The following PLXDC2 variants were observed in gnomAD, a reference collection of about 807,000 sequenced individuals.
PLXDC2 encodes the protein plexin domain-containing protein 2.
In PLXDC2, 40 loss-of-function variants were observed where a neutral mutation model predicts 68.9. The ratio of observed to expected loss-of-function variants is 0.58; its 90% CI spans 0.45 to 0.76. The LOEUF is 0.76. Among genes scored for constraint, PLXDC2 ranks in the 30% least tolerant of loss-of-function variants. The pLI, the probability that PLXDC2 is intolerant of heterozygous loss-of-function variation, is 0.00. For missense variants in PLXDC2, 644 were observed against 661.9 expected, an observed-to-expected ratio of 0.97 and a Z score of 0.30; for synonymous variants, 243 against 234.2, an observed-to-expected ratio of 1.04 and a Z score of -0.34.
At chr10:20,238,699 A>ACACACATATATGTG (rs1835473441) in intron 12 of PLXDC2, among the ~76,000 whole-genome samples, 1 of 135,222 alleles carries the variant, frequency 7.4e-6, no homozygotes, top group African/African-American at 2.8e-5. Context: ...ATATACACAC[A>ACACACATATATGTG]TATATATGTG....
chr10:20,062,767 A>G (rs1436830101), intron 3 of PLXDC2, among the ~76,000 whole-genome samples: 1 of 152,158 alleles, frequency 6.6e-6, no homozygotes, highest in African/African-American at 2.4e-5. Context: ...TTGGAAGAAA[A>G]TATCACATCC....
chr10:19,918,868 A>C (rs1008960107), intron 1 of PLXDC2, among the ~76,000 whole-genome samples: 1 of 152,224 alleles, frequency 6.6e-6, no homozygotes, highest in Non-Finnish European at 1.5e-5. Flanking sequence ...ATCGTTAAGA[A>C]GTTATTTCAT....
chr10:20,107,029 C>T (rs1159185768), intron 4 of PLXDC2, among the ~76,000 whole-genome samples: 1 of 147,486 alleles, frequency 6.8e-6, no homozygotes, highest in South Asian at 2.1e-4. Context: ...ATATATACAC[C>T]ATATACTATA....
chr10:19,932,791 C>T (rs1318590079), intron 1 of PLXDC2, among the ~76,000 whole-genome samples: 1 of 152,210 alleles, frequency 6.6e-6, no homozygotes, highest in Non-Finnish European at 1.5e-5. Flanking sequence ...GAACACGACA[C>T]TTTCCAAACC....
At chr10:20,275,420 C>T (rs565359743) in intron 13 of PLXDC2, among the ~76,000 whole-genome samples, 3 of 152,228 alleles carry the variant, frequency 2.0e-5, no homozygotes, top group Admixed American at 2.0e-4. Flanking sequence ...GTTTGAGAAA[C>T]ACAGATTTAG....
At chr10:19,881,108 A>C (rs12779437) in intron 1 of PLXDC2, among the ~76,000 whole-genome samples, 36,062 of 151,832 alleles carry the variant, frequency 0.24, 4,542 homozygotes, top group East Asian at 0.37. Flanking sequence ...TTTATGTGTA[A>C]GATGCGATTT....
chr10:19,966,730 G>A (rs1834269614), intron 1 of PLXDC2, among the ~76,000 whole-genome samples: 2 of 152,008 alleles, frequency 1.3e-5, no homozygotes, highest in Non-Finnish European at 2.9e-5. Context: ...ACCACACTAG[G>A]CCTGAGACAT....
intron 1 of PLXDC2, among the ~76,000 whole-genome samples, chr10:19,950,244 G>A (rs1044046853): frequency 8.5e-5 from 13 of 152,144 alleles, no homozygotes; most frequent in African/African-American, 2.9e-4. Flanking sequence ...CTGACAATAT[G>A]ATTCTATTCC....
chr10:20,178,846 T>A (rs1834563662), intron 9 of PLXDC2, among the ~76,000 whole-genome samples: 1 of 152,118 alleles, frequency 6.6e-6, no homozygotes, highest in African/African-American at 2.4e-5. Flanking sequence ...CTTTGTGAAA[T>A]TAATTCCAAA....
chr10:19,859,313 G>A (rs1837276103), intron 1 of PLXDC2, among the ~76,000 whole-genome samples: 1 of 152,100 alleles, frequency 6.6e-6, no homozygotes, highest in Non-Finnish European at 1.5e-5. Flanking sequence ...AATAGCAGAT[G>A]CCAAAGCAAC....
At chr10:20,197,997 ATATTTGT>A (rs1187407863) in intron 9 of PLXDC2, among the ~76,000 whole-genome samples, 1 of 152,182 alleles carries the variant, frequency 6.6e-6, no homozygotes, top group Non-Finnish European at 1.5e-5. Context: ...TTTTGTATTC[ATATTTGT>A]AATTATTAAA....
intron 1 of PLXDC2, among the ~76,000 whole-genome samples, chr10:19,850,606 C>T (rs964645534): frequency 3.3e-5 from 5 of 152,164 alleles, no homozygotes; most frequent in South Asian, 2.1e-4. Context: ...CTTACACACC[C>T]ATACTAAGAG....
Position 20,215,970 on chromosome 10 carries a change from G to A in PLXDC2, c.1123-1456G>A, listed in dbSNP as rs1398668285. ...AGCAATGCTGCCAAGTGGTATGCACGGCCCTGCTAAGGATGCAGGAGATGT... is the reference window on the plus strand; with the variant it reads ...AGCAATGCTGCCAAGTGGTATGCACAGCCCTGCTAAGGATGCAGGAGATGT... On this transcript the variant is annotated intron_variant, in intron 10 of 13. Coordinates refer to ENST00000377252, the MANE Select transcript of PLXDC2 (RefSeq NM_032812.9). 6.6e-5 allele frequency among the ~76,000 whole-genome samples: 10 copies of A among 152,020 alleles called. No homozygotes were observed. In the South Asian group the frequency reaches 8.3e-4, roughly 13 times the overall value.
intron 4 of PLXDC2, among the ~76,000 whole-genome samples, chr10:20,095,050 A>C (rs987120786): frequency 6.6e-6 from 1 of 152,246 alleles, no homozygotes; most frequent in Non-Finnish European, 1.5e-5. Flanking sequence ...TGTAATTTTA[A>C]AAATATCTGA....
intron 2 of PLXDC2, among the ~76,000 whole-genome samples, chr10:20,020,014 G>C (rs10827930): frequency 6.7e-6 from 1 of 149,510 alleles, no homozygotes; most frequent in South Asian, 2.1e-4. Context: ...TTCTTTTCTT[G>C]CTTTTTTTTT....
At chr10:19,835,672 G>A (rs952175416) in intron 1 of PLXDC2, among the ~76,000 whole-genome samples, 1 of 152,190 alleles carries the variant, frequency 6.6e-6, no homozygotes, top group African/African-American at 2.4e-5. Context: ...GGGAAACTGA[G>A]GAATGGGCCC....
intron 12 of PLXDC2, among the ~76,000 whole-genome samples, chr10:20,221,419 C>G (rs1835210853): frequency 6.6e-6 from 1 of 152,290 alleles, no homozygotes; most frequent in Non-Finnish European, 1.5e-5. Flanking sequence ...TGATATGCAG[C>G]AGGCATTCAT....
intron 2 of PLXDC2, among the ~76,000 whole-genome samples, chr10:20,006,123 C>G (rs1034949277): frequency 6.6e-6 from 1 of 151,814 alleles, no homozygotes; most frequent in African/African-American, 2.4e-5. Context: ...AGGTTGCAGC[C>G]AGCTGAGATT....
intron 1 of PLXDC2, among the ~76,000 whole-genome samples, chr10:19,890,248 T>G (rs1837928889): frequency 6.6e-6 from 1 of 152,178 alleles, no homozygotes; most frequent in South Asian, 2.1e-4. Flanking sequence ...TAATTTTGTT[T>G]TAAATTTCTA....
Sources: allele counts gnomAD v4.1 joint callset (sites outside exome capture counted in the v4.1 genomes callset), GRCh38; gene constraint gnomAD v4.1.1; transcripts MANE v1.5; gene names NCBI Gene and HGNC (gene_info 2026-07-23, HGNC 2026-07-21).